Variants in ENPP3 observed in about 807,000 individuals in gnomAD.
The protein encoded by ENPP3 is ectonucleotide pyrophosphatase/phosphodiesterase 3, also known as ectonucleotide pyrophosphatase/phosphodiesterase family member 3.
Under a neutral mutation model 117.8 loss-of-function variants are expected in ENPP3, and 104 were observed. The observed-to-expected ratio is 0.88, with a 90% CI of 0.75 to 1.04. The LOEUF is 1.04. ENPP3 is among the 50% of genes least tolerant of loss of function. ENPP3 has a pLI of 0.00. For missense variants in ENPP3, 1,026 were observed against 1,051.9 expected, an observed-to-expected ratio of 0.98 and a Z score of 0.34; for synonymous variants, 380 against 349.9, an observed-to-expected ratio of 1.09 and a Z score of -0.96.
chr6:131,743,737 A>G (rs1054672887), intron 24 of ENPP3, among the ~76,000 whole-genome samples: 7 of 152,046 alleles, frequency 4.6e-5, no homozygotes, highest in Non-Finnish European at 7.4e-5. Context: ...AGGCAGGAGA[A>G]TTTCTTGAAA....
At chr6:131,738,187 T>C (rs1170778286) in intron 23 of ENPP3, 24 bp downstream of exon 23, 3 of 1,597,014 alleles carry the variant, frequency 1.9e-6, no homozygotes, top group Non-Finnish European at 2.6e-6. Flanking sequence ...CTTTTTGATT[T>C]ATCAATAGGG....
At chr6:131,648,652 C>T (rs1778197685) in intron 2 of ENPP3, among the ~76,000 whole-genome samples, 2 of 152,128 alleles carry the variant, frequency 1.3e-5, no homozygotes, top group African/African-American at 4.8e-5. Context: ...CACTGGTTTT[C>T]AAGGGATAGA....
intron 18 of ENPP3, among the ~76,000 whole-genome samples, chr6:131,722,687 C>A (rs1201571653): frequency 4.6e-5 from 7 of 152,192 alleles, no homozygotes; most frequent in Admixed American, 4.6e-4. Flanking sequence ...ATACAGTAAT[C>A]TTCGAGCTCT....
At chr6:131,727,201 G>A (rs1780172480) in intron 20 of ENPP3, among the ~76,000 whole-genome samples, 1 of 152,090 alleles carries the variant, frequency 6.6e-6, no homozygotes, top group African/African-American at 2.4e-5. Flanking sequence ...ATGAACAAAG[G>A]ATAGGAGCCA....
intron 11 of ENPP3, 108 bp from the exon 12 acceptor site, chr6:131,682,945 AC>A: frequency 1.4e-6 from 1 of 725,558 alleles, no homozygotes; most frequent in Non-Finnish European, 2.5e-6. Flanking sequence ...CTGTTTCAAA[AC>A]CAGCAATTTC....
At chr6:131,732,325 C>T (rs531532289) in intron 20 of ENPP3, among the ~76,000 whole-genome samples, 7 of 152,280 alleles carry the variant, frequency 4.6e-5, no homozygotes, top group South Asian at 4.1e-4. Context: ...TATAGTATTA[C>T]CTTAAATACT....
chr6:131,653,413 G>T (rs891016144), intron 5 of ENPP3, among the ~76,000 whole-genome samples: 3 of 148,748 alleles, frequency 2.0e-5, no homozygotes, highest in Admixed American at 6.8e-5. Context: ...CTCCCAAAAT[G>T]CTGGGATTCC....
rs753265779 is a variant in ENPP3 at position 131,675,173 on chromosome 6, T to TA, written c.857dup (p.Tyr286Ter). The part of the protein sequence containing the change: ...VAINGSFPSI[Y>*]MPYNGSVPFE... Reference sequence around the variant, plus strand: ...TATAAATGGCTCCTTTCCTTCCATATACATGCCTTACAACGGGTAGTGAAG... The same window carrying TA: ...TATAAATGGCTCCTTTCCTTCCATATAACATGCCTTACAACGGGTAGTGAAG... The change falls in exon 9 of 25, where the codon TAC becomes TAAC. Residue 286 changes from tyrosine to a stop codon, truncating the protein, a stop_gained and frameshift_variant. Coordinates refer to ENST00000357639, the MANE Select transcript of ENPP3 (RefSeq NM_005021.5). LOFTEE classifies it high-confidence loss of function. The TA allele has an allele frequency of 6.3e-7, 1 of 1,592,942 alleles. No homozygotes were observed. Among genetic ancestry groups the TA allele is most frequent in the South Asian group, 1.1e-5 (1 of 90,630 alleles).
intron 20 of ENPP3, among the ~76,000 whole-genome samples, chr6:131,730,134 T>A (rs902912010): frequency 2.0e-5 from 3 of 152,174 alleles, no homozygotes; most frequent in Non-Finnish European, 2.9e-5. Flanking sequence ...TTTCTTCAAG[T>A]AAAACTTACT....
chr6:131,734,175 T>TAAAAA (rs1562480942), intron 21 of ENPP3, among the ~76,000 whole-genome samples: 1 of 151,976 alleles, frequency 6.6e-6, no homozygotes, highest in South Asian at 2.1e-4. Context: ...TAAAATAAAA[T>TAAAAA]AAAAAAAGAA....
chr6:131,660,363 C>A (rs1366929006), intron 6 of ENPP3, among the ~76,000 whole-genome samples: 1 of 152,196 alleles, frequency 6.6e-6, no homozygotes, highest in Non-Finnish European at 1.5e-5. Flanking sequence ...TATCACAGAG[C>A]AGTGAGTCAT....
intron 9 of ENPP3, among the ~76,000 whole-genome samples, chr6:131,675,536 A>G (rs1473805007): frequency 6.6e-6 from 1 of 152,128 alleles, no homozygotes; most frequent in Non-Finnish European, 1.5e-5. Flanking sequence ...TTCCTTTAAA[A>G]TTCAAGTCCA....
rs757216817 is a variant in ENPP3, at chr6:131,718,656, TA to T, written c.1413-15del. ...CAATATATTGATCAGTGTGTAATAATATTTTTTCTTTATAGGAGTAAATCAA... is the reference window on the plus strand; with the variant it reads ...CAATATATTGATCAGTGTGTAATAATTTTTTTCTTTATAGGAGTAAATCAA... On this transcript the variant is annotated splice_polypyrimidine_tract_variant and intron_variant, in intron 15 of 24. Coordinates refer to ENST00000357639, the MANE Select transcript of ENPP3 (RefSeq NM_005021.5). 2.1e-4 allele frequency: 294 copies of T among 1,411,120 alleles called. 1 individual carries two copies. The highest frequency in any genetic ancestry group is 1.8e-4 in the Non-Finnish European group (182 of 998,958). The allele number at this position is 1,411,120 out of a possible 1,614,324, so 87.4% of individuals were successfully genotyped here.
At chr6:131,663,492 G>T (rs1215141768) in intron 6 of ENPP3, among the ~76,000 whole-genome samples, 1 of 140,390 alleles carries the variant, frequency 7.1e-6, no homozygotes, top group Non-Finnish European at 1.5e-5. Flanking sequence ...TTCAAGATCA[G>T]CCTGAGCAAC....
intron 5 of ENPP3, among the ~76,000 whole-genome samples, chr6:131,657,070 A>T (rs963946440): frequency 6.6e-6 from 1 of 152,204 alleles, no homozygotes; most frequent in Admixed American, 6.5e-5. Context: ...TTATGAAAAA[A>T]AGAAGTATTT....
intron 11 of ENPP3, among the ~76,000 whole-genome samples, chr6:131,681,304 C>T (rs1779018456): frequency 2.0e-5 from 3 of 152,160 alleles, no homozygotes; most frequent in African/African-American, 7.2e-5. Context: ...CTGACCTTTA[C>T]AACTGACTGT....
At chr6:131,688,665 C>T (rs1779208589) in intron 14 of ENPP3, among the ~76,000 whole-genome samples, 1 of 152,168 alleles carries the variant, frequency 6.6e-6, no homozygotes, top group Admixed American at 6.5e-5. Context: ...AAGACGCTAA[C>T]TCTTTCTTCA....
intron 8 of ENPP3, among the ~76,000 whole-genome samples, chr6:131,674,581 T>C (rs1020155905): frequency 4.0e-5 from 6 of 149,874 alleles, no homozygotes; most frequent in African/African-American, 1.0e-4. Context: ...TTTTTTTTTT[T>C]CTTTTTTTTT....
Position 131,700,645 on chromosome 6 carries a change from T to C in ENPP3, c.1412+7021T>C. ...GGTCCAACATACATGATAATGGCTG[T>C]GCCATAAACGAGTCCAATCACACAG... On this transcript the variant is annotated intron_variant, in intron 15 of 24. Coordinates refer to ENST00000357639, the MANE Select transcript of ENPP3 (RefSeq NM_005021.5). 2.6e-6 allele frequency: 4 copies of C among 1,557,808 alleles called. No homozygotes were observed. The South Asian group carries it at 3.5e-5, about 14-fold the overall frequency.
Sources: gnomAD v4.1 joint callset for allele counts (sites outside exome capture counted in the v4.1 genomes callset) on GRCh38, gnomAD v4.1.1 for gene constraint, MANE v1.5 for transcripts, NCBI Gene and HGNC (gene_info 2026-07-23, HGNC 2026-07-21) for gene names.